Variants in ARHGAP6 observed in about 807,000 individuals in gnomAD.
ARHGAP6 encodes the protein Rho GTPase activating protein 6.
Under a neutral mutation model 55.7 loss-of-function variants are expected in ARHGAP6, and 16 were observed. The ratio of observed to expected loss-of-function variants is 0.29; its 90% CI spans 0.19 to 0.44. ARHGAP6 has a LOEUF of 0.44. Ranked by LOEUF, ARHGAP6 falls within the 20% of genes least tolerant of loss-of-function variation. The pLI, the probability that ARHGAP6 is intolerant of heterozygous loss-of-function variation, is 1.00. For missense variants in ARHGAP6, 698 were observed against 808.9 expected (o/e 0.86, Z 1.66); for synonymous variants, 382 against 360.9 (o/e 1.06, Z -0.66).
intron 1 of ARHGAP6, chrX:11,296,637 C>T (rs897591554): frequency 1.5e-6 from 1 of 671,767 alleles, no homozygotes; most frequent in Non-Finnish European, 2.3e-6. Flanking sequence ...ATATTCTGCA[C>T]TATATAGATT....
chrX:11,321,514 C>T (rs1471438633), intron 1 of ARHGAP6, among the ~76,000 whole-genome samples: 2 of 111,781 alleles, frequency 1.8e-5, no homozygotes, highest in African/African-American at 3.2e-5. Flanking sequence ...TAAAATAATA[C>T]ATCTAAATTT....
intron 1 of ARHGAP6, among the ~76,000 whole-genome samples, chrX:11,574,118 G>C (rs1601659869): frequency 9.0e-6 from 1 of 110,542 alleles, no homozygotes; most frequent in Non-Finnish European, 1.9e-5. Flanking sequence ...AGGACCAGAT[G>C]GATTCACAGC....
chrX:11,629,091 C>T (rs922271383), intron 1 of ARHGAP6, among the ~76,000 whole-genome samples: 7 of 110,955 alleles, frequency 6.3e-5, no homozygotes, highest in Non-Finnish European at 9.4e-5. Context: ...TACAAAATTA[C>T]TTAGTTCATT....
chrX:11,234,920 T>C (rs191934373), intron 2 of ARHGAP6, among the ~76,000 whole-genome samples: 3 of 112,774 alleles, frequency 2.7e-5, no homozygotes, highest in Admixed American at 9.3e-5. Flanking sequence ...TTGAAATACA[T>C]ATTGCTAAGT....
In ARHGAP6 at chrX:11,598,353, A is replaced by T. The variant is rs146961367; in HGVS notation, c.588+65888T>A. Among the ~76,000 whole-genome samples the T allele has an allele frequency of 9.0e-3, 1,007 of 112,245 alleles. 8 individuals are homozygous for T. The highest frequency in any genetic ancestry group is 0.031 in the African/African-American group (970 of 30,873). ...CTTACAGTGCCACTTTCTTTAAAACATATACATACTTTTATTATTCTTTCT... is the reference window on the plus strand; with the variant it reads ...CTTACAGTGCCACTTTCTTTAAAACTTATACATACTTTTATTATTCTTTCT... On this transcript the variant is annotated intron_variant, in intron 1 of 12. Transcript: ENST00000337414.
chrX:11,488,960 G>A (rs184728964), intron 1 of ARHGAP6, among the ~76,000 whole-genome samples: 10 of 111,974 alleles, frequency 8.9e-5, no homozygotes, highest in East Asian at 5.6e-4. Flanking sequence ...CAGATGTAAC[G>A]TGTAAGACAT....
At chrX:11,434,776 G>A in intron 1 of ARHGAP6, among the ~76,000 whole-genome samples, 1 of 111,688 alleles carries the variant, frequency 9.0e-6, no homozygotes, top group South Asian at 3.8e-4. Flanking sequence ...AAAACAGAAT[G>A]TCCTTCTCCT....
intron 1 of ARHGAP6, among the ~76,000 whole-genome samples, chrX:11,468,375 C>T (rs1157996871): frequency 2.7e-5 from 3 of 111,965 alleles, no homozygotes; most frequent in African/African-American, 9.7e-5. Context: ...CAGCTCAGCC[C>T]CTGCCCCTTC....
chrX:11,643,576 G>T (rs2052497349), intron 1 of ARHGAP6, among the ~76,000 whole-genome samples: 2 of 111,570 alleles, frequency 1.8e-5, no homozygotes, highest in African/African-American at 6.5e-5. Context: ...ATTTTTCTGG[G>T]TTCTCTTTTT....
chrX:11,658,999 T>C (rs2052667872), intron 1 of ARHGAP6, among the ~76,000 whole-genome samples: 2 of 110,418 alleles, frequency 1.8e-5, no homozygotes, highest in African/African-American at 6.6e-5. Context: ...GGTACAAACT[T>C]TCTCCTGGTT....
intron 1 of ARHGAP6, among the ~76,000 whole-genome samples, chrX:11,526,004 AG>A (rs2050985442): frequency 1.8e-5 from 2 of 111,717 alleles, no homozygotes; most frequent in African/African-American, 6.5e-5. Context: ...TACCTATGGC[AG>A]GGTTCAAAAA....
intron 1 of ARHGAP6, among the ~76,000 whole-genome samples, chrX:11,609,420 AT>A (rs1399032643): frequency 1.8e-5 from 2 of 111,716 alleles, no homozygotes; most frequent in African/African-American, 6.5e-5. Context: ...GAGCTATGGC[AT>A]TTTTCTACTT....
At chrX:11,628,346 C>T (rs1306509198) in intron 1 of ARHGAP6, among the ~76,000 whole-genome samples, 2 of 112,362 alleles carry the variant, frequency 1.8e-5, no homozygotes, top group Non-Finnish European at 3.8e-5. Flanking sequence ...ATTATGGTTA[C>T]ATTTGAAAAG....
chrX:11,617,346 A>AGAT (rs751900029), intron 1 of ARHGAP6, among the ~76,000 whole-genome samples: 3 of 112,018 alleles, frequency 2.7e-5, no homozygotes, highest in Non-Finnish European at 5.6e-5. Context: ...GGTGCTATAG[A>AGAT]GATTGCTGCT....
chrX:11,405,589 G>T (rs752345914), intron 1 of ARHGAP6, among the ~76,000 whole-genome samples: 2 of 111,947 alleles, frequency 1.8e-5, no homozygotes, highest in Admixed American at 1.9e-4. Context: ...GCAAGCTCTG[G>T]CATATTAATT....
At chrX:11,301,848 T>C (rs146048933) in intron 1 of ARHGAP6, among the ~76,000 whole-genome samples, 1,302 of 112,070 alleles carry the variant, frequency 0.012, 30 homozygotes, top group African/African-American at 0.039. Flanking sequence ...ATTAATACTA[T>C]GACAGAAGTA....
intron 1 of ARHGAP6, among the ~76,000 whole-genome samples, chrX:11,589,198 C>T (rs771269161): frequency 2.7e-4 from 29 of 107,839 alleles, no homozygotes; most frequent in African/African-American, 8.5e-4. Flanking sequence ...CATGCCACCA[C>T]GCCCGGCTAA....
chrX:11,512,973 T>G (rs1182924340), intron 1 of ARHGAP6, among the ~76,000 whole-genome samples: 17 of 112,197 alleles, frequency 1.5e-4, no homozygotes, highest in African/African-American at 5.5e-4. Flanking sequence ...AGCATCAGGT[T>G]TATTTTCATT....
At chrX:11,267,138 C>T (rs2147508920) in intron 1 of ARHGAP6, among the ~76,000 whole-genome samples, 1 of 111,906 alleles carries the variant, frequency 8.9e-6, no homozygotes, top group South Asian at 3.7e-4. Flanking sequence ...AAGTTACATC[C>T]TCATTTAAAG....
Sources: allele counts gnomAD v4.1 joint callset (sites outside exome capture counted in the v4.1 genomes callset), GRCh38; gene constraint gnomAD v4.1.1; transcripts MANE v1.5; gene names NCBI Gene and HGNC (gene_info 2026-07-23, HGNC 2026-07-21).